The following ASB18 variants were observed in gnomAD, a reference collection of about 807,000 sequenced individuals.
ASB18 encodes the protein ankyrin repeat and SOCS box containing 18.
In ASB18, 33 loss-of-function variants were observed where a neutral mutation model predicts 33.4. The ratio of observed to expected loss-of-function variants is 0.99; its 90% CI spans 0.75 to 1.32. The LOEUF (loss-of-function observed/expected upper bound fraction) is 1.32. Among genes scored for constraint, ASB18 ranks in the 40% most tolerant of loss-of-function variants. ASB18 has a pLI of 0.00. For synonymous variants in ASB18, 295 were observed against 307.6 expected, an observed-to-expected ratio of 0.96 and a Z score of 0.43; for missense variants, 694 against 655.5, an observed-to-expected ratio of 1.06 and a Z score of -0.64.
rs115773723 is a variant in ASB18, at chr2:236,193,797, G to T, written c.*1075C>A. On this transcript the variant is annotated 3_prime_UTR_variant, in exon 6 of 6. Transcript: ENST00000409749. This position sits in a 1 kb window ranked among gnomAD's most constrained non-coding sequence, Gnocchi z 5.0. ...AACAAACAAACAAAAAAACAAAAAA[G>T]AAACAAGACTGATTCCTGGGCAAGG... Among the ~76,000 whole-genome samples, 15,636 of 152,174 alleles carry T rather than the reference G, an allele frequency of 0.1. 910 individuals carry two copies. The highest frequency in any genetic ancestry group is 0.22 in the Middle Eastern group (64 of 294).
In ASB18 at chr2:236,263,608, G is replaced by A. The variant is rs1431775552; in HGVS notation, c.205+533C>T. Among the ~76,000 whole-genome samples, 2 of 152,106 alleles carry A rather than the reference G, an allele frequency of 1.3e-5. No individual in the cohort carries two copies. The highest frequency in any genetic ancestry group is 2.9e-5 in the Non-Finnish European group (2 of 68,028). The stretch of plus-strand genomic sequence containing the variant: ...TATGGCTCCTAGGAATTTATGGTAA[G>A]GATATAATCCCAAAAAAGAAAAAAG... On this transcript the variant is annotated intron_variant, in intron 1 of 5. Transcript: ENST00000409749. This position sits in a 1 kb window ranked among gnomAD's most constrained non-coding sequence, Gnocchi z 4.0.
rs887050648 is a variant in ASB18 at position 236,195,753 on chromosome 2, C to T, written c.1215+519G>A. Among the ~76,000 whole-genome samples, 8 of 152,238 alleles carry T rather than the reference C, an allele frequency of 5.3e-5. No homozygotes were observed. In the South Asian group the frequency reaches 1.0e-3, roughly 20 times the overall value. On this transcript the variant is annotated intron_variant, in intron 5 of 5. Transcript: ENST00000409749. This position sits in a 1 kb window ranked among gnomAD's most constrained non-coding sequence, Gnocchi z 5.5. ...CTGGTCTTGAACTCCTGACCTCAAGCGATCTGCCTGCCTTGGCCTCTCAAA... is the reference window on the plus strand; with the variant it reads ...CTGGTCTTGAACTCCTGACCTCAAGTGATCTGCCTGCCTTGGCCTCTCAAA...
chr2:236,227,693 CTCTTT>C (rs1462353608), intron 3 of ASB18, among the ~76,000 whole-genome samples: 2 of 152,148 alleles, frequency 1.3e-5, no homozygotes, highest in Non-Finnish European at 2.9e-5. Flanking sequence ...ATAATTTTGC[CTCTTT>C]TCTTAGTATG....
At position 236,215,020 on chromosome 2, in the gene ASB18, G is replaced by GA. The variant is rs574936196; in HGVS notation, c.597-155dup. 0.035 allele frequency among the ~76,000 whole-genome samples: 4,194 copies of GA among 119,968 alleles called. 163 individuals carry two copies. Among genetic ancestry groups the GA allele is most frequent in the African/African-American group, 0.1 (3,434 of 33,756 alleles). 78.7% of individuals were successfully genotyped at this position (119,968 alleles called of 152,430 possible). On this transcript the variant is annotated intron_variant, in intron 3 of 5. Transcript: ENST00000409749. This position sits in a 1 kb window ranked among gnomAD's most constrained non-coding sequence, Gnocchi z 7.2. Reference sequence around the variant, plus strand: ...GGCGTCAGGAGTTCAAACTAAACTGGAAAAAAAAAAAAAAAAAAAGAGATT... The same window carrying GA: ...GGCGTCAGGAGTTCAAACTAAACTGGAAAAAAAAAAAAAAAAAAAAGAGATT...
chr2:236,196,490 T>G lies in ASB18; in HGVS notation c.1102-105A>C, dbSNP rs2060374409. On this transcript the variant is annotated intron_variant, in intron 4 of 5. Coordinates refer to ENST00000409749, the MANE Select transcript of ASB18 (RefSeq NM_212556.4). This position sits in a 1 kb window ranked among gnomAD's most constrained non-coding sequence, Gnocchi z 5.6. ...GGATGCTCTCCCTAGCTGTGTGACC[T>G]CCCTACGCCCAAGCCACACAGGGAA... 4.5e-6 allele frequency: 3 copies of G among 666,242 alleles called. No homozygotes were observed. The highest frequency in any genetic ancestry group is 3.6e-5 in the African/African-American group (2 of 55,652). The allele number at this position is 666,242 out of a possible 1,614,324, so 41.3% of individuals were successfully genotyped here.
Position 236,222,793 on chromosome 2 carries a change from G to A in ASB18, c.597-7927C>T, listed in dbSNP as rs1014498192. ...CCAACACTTTGGGAGGCCGAGGTAT[G>A]TGGATCACCTGAGTTCAGGAGTTTG... On this transcript the variant is annotated intron_variant, in intron 3 of 5. Coordinates refer to ENST00000409749, the MANE Select transcript of ASB18 (RefSeq NM_212556.4). This position sits in a 1 kb window ranked among gnomAD's most constrained non-coding sequence, Gnocchi z 5.5. Among the ~76,000 whole-genome samples, 9 of 152,340 alleles carry A rather than the reference G, an allele frequency of 5.9e-5. No homozygotes were observed. The highest frequency in any genetic ancestry group is 3.4e-3 in the Middle Eastern group (1 of 294).
At chr2:236,202,978 A>G (rs186871287) in intron 4 of ASB18, among the ~76,000 whole-genome samples, 3 of 151,902 alleles carry the variant, frequency 2.0e-5, no homozygotes, top group Non-Finnish European at 4.4e-5. Flanking sequence ...GATCATATTT[A>G]TATTGCGTAT....
rs1453682701 is a variant in ASB18, at chr2:236,238,105, CG to C, written c.329-150del. On this transcript the variant is annotated intron_variant, in intron 2 of 5. Transcript: ENST00000409749. This position sits in a 1 kb window ranked among gnomAD's most constrained non-coding sequence, Gnocchi z 5.2. ...AGGGAGAAGAGGATAGAATCAGAGA[CG>C]CACACAGAGACAGAGAGCAGAGAGA... 11 of 550,130 alleles carry C rather than the reference CG, an allele frequency of 2.0e-5. No homozygotes were observed. In the East Asian group the frequency reaches 3.5e-4, roughly 18 times the overall value. The allele number at this position is 550,130 out of a possible 1,614,324, so 34.1% of individuals were successfully genotyped here.
Position 236,239,219 on chromosome 2 carries a change from A to G in ASB18, c.329-1263T>C, listed in dbSNP as rs1162674989. ...TGCCAGCTCTTGGTTTTTTGATTCGATTTGTTTTTCTGAGAGATGAAAACT... is the reference window on the plus strand; with the variant it reads ...TGCCAGCTCTTGGTTTTTTGATTCGGTTTGTTTTTCTGAGAGATGAAAACT... On this transcript the variant is annotated intron_variant, in intron 2 of 5. Coordinates refer to ENST00000409749, the MANE Select transcript of ASB18 (RefSeq NM_212556.4). This position sits in a 1 kb window ranked among gnomAD's most constrained non-coding sequence, Gnocchi z 5.6. Among the ~76,000 whole-genome samples the G allele has an allele frequency of 6.6e-6, 1 of 152,058 alleles. No homozygotes were observed. The highest frequency in any genetic ancestry group is 2.4e-5 in the African/African-American group (1 of 41,386).
In ASB18 at chr2:236,241,805, G is replaced by A. The variant is rs891166874; in HGVS notation, c.206-403C>T. 4.6e-5 allele frequency among the ~76,000 whole-genome samples: 7 copies of A among 152,134 alleles called. No homozygotes were observed. The highest frequency in any genetic ancestry group is 1.4e-4 in the African/African-American group (6 of 41,438). On this transcript the variant is annotated intron_variant, in intron 1 of 5. Transcript: ENST00000409749. The surrounding 1 kb of genome is among the most constrained non-coding windows in gnomAD (Gnocchi z 4.2). The stretch of plus-strand genomic sequence containing the variant: ...GCTCCAAAGCAGCTCTCCATGCACC[G>A]AGGGCAGACTCCCAGCACACATTTA...
Position 236,205,897 on chromosome 2 carries a change from T to C in ASB18, c.1101+8465A>G, listed in dbSNP as rs919204894. On this transcript the variant is annotated intron_variant, in intron 4 of 5. Transcript: ENST00000409749. The surrounding 1 kb of genome is among the most constrained non-coding windows in gnomAD (Gnocchi z 5.4). ...GAGTCCAGCCTGGTTTTTATTCCTT[T>C]ATGAATAGCCTGTTTTCTGCTTAAA... Among the ~76,000 whole-genome samples the C allele has an allele frequency of 2.0e-5, 3 of 152,244 alleles. No homozygotes were observed. The highest frequency in any genetic ancestry group is 7.2e-5 in the African/African-American group (3 of 41,472).
At chr2:236,232,142 T>C (rs983060662) in intron 3 of ASB18, among the ~76,000 whole-genome samples, 1 of 151,746 alleles carries the variant, frequency 6.6e-6, no homozygotes, top group Non-Finnish European at 1.5e-5. Flanking sequence ...TAAAAAGGAC[T>C]AAAGTCATAC....
rs938468414 is a variant in ASB18 at position 236,214,739 on chromosome 2, C to T, written c.724G>A (p.Gly242Arg). Residue 242 changes from glycine (G) to arginine (R), a missense_variant, in exon 4 of 6, where the codon GGG (glycine) becomes AGG (arginine). Physicochemically the swap from Gly to Arg is moderately radical, Grantham distance 125. Coordinates refer to ENST00000409749, the MANE Select transcript of ASB18 (RefSeq NM_212556.4). The surrounding 1 kb of genome is among the most constrained non-coding windows in gnomAD (Gnocchi z 6.5). ...CCGTTCCTCGCGTCCACGTGCGCCC[C>T]GCGGCCCAGGTACAGGCGCGCGTGC... ...DEHARLYLGR[G>R]AHVDARNGRG... The T allele has an allele frequency of 8.6e-7, 1 of 1,167,074 alleles. No homozygotes were observed. The highest frequency in any genetic ancestry group is 1.6e-5 in the African/African-American group (1 of 61,436). 72.3% of individuals were successfully genotyped at this position (1,167,074 alleles called of 1,614,324 possible).
Position 236,235,344 on chromosome 2 carries a change from C to A in ASB18, c.596+2345G>T, listed in dbSNP as rs1283656087. ...AGGTTTGTAGCCTGGGAGCCAGAGG[C>A]TTAATCATATAGCCTAGGTGGGCAG... On this transcript the variant is annotated intron_variant, in intron 3 of 5. Transcript: ENST00000409749. The surrounding 1 kb of genome is among the most constrained non-coding windows in gnomAD (Gnocchi z 6.2). Among the ~76,000 whole-genome samples the A allele has an allele frequency of 6.6e-6, 1 of 152,188 alleles. No homozygotes were observed. Among genetic ancestry groups the A allele is most frequent in the African/African-American group, 2.4e-5 (1 of 41,438 alleles).
chr2:236,224,185 G>GTTTTTTTT, intron 3 of ASB18, among the ~76,000 whole-genome samples: 1 of 66,804 alleles, frequency 1.5e-5, no homozygotes, highest in Non-Finnish European at 2.5e-5. Flanking sequence ...GTGTTGTCAG[G>GTTTTTTTT]TTTTTTTTTT....
intron 1 of ASB18, among the ~76,000 whole-genome samples, chr2:236,246,121 G>A (rs914490997): frequency 6.6e-6 from 1 of 152,062 alleles, no homozygotes; most frequent in Non-Finnish European, 1.5e-5. Context: ...GGGAGGCCTA[G>A]GTGGGTGGAT....
rs768808929 is a variant in ASB18 at position 236,195,011 on chromosome 2, G to A, written c.1262C>T (p.Pro421Leu). 2.5e-6 allele frequency: 4 copies of A among 1,613,752 alleles called. No homozygotes were observed. Among genetic ancestry groups the A allele is most frequent in the African/African-American group, 2.7e-5 (2 of 75,054 alleles). ...YQSLFALALTPRCLQHLCRCA... is the reference protein window; with the variant it reads ...YQSLFALALTLRCLQHLCRCA... ...GCGGCAAAGATGCTGCAGGCAGCGT[G>A]GGGTGAGGGCCAAGGCAAAGAGGGA... is the stretch of plus-strand genomic sequence containing the variant. Residue 421 changes from proline (P) to leucine (L), a missense_variant, in exon 6 of 6, where the codon CCA becomes CTA. Coordinates refer to ENST00000409749, the MANE Select transcript of ASB18 (RefSeq NM_212556.4). The surrounding 1 kb of genome is among the most constrained non-coding windows in gnomAD (Gnocchi z 5.5).
Position 236,198,548 on chromosome 2 carries a change from AT to A in ASB18, c.1102-2164del, listed in dbSNP as rs201126440. Among the ~76,000 whole-genome samples the A allele has an allele frequency of 6.9e-3, 1,048 of 152,130 alleles. 55 individuals carry two copies. The highest frequency in any genetic ancestry group is 0.062 in the Admixed American group (952 of 15,274). ...ACACCCGGCTGATTTTTGTATTTTT[AT>A]TAGAGACAGAGTTTCACCATGTTGG... On this transcript the variant is annotated intron_variant, in intron 4 of 5. Coordinates refer to ENST00000409749, the MANE Select transcript of ASB18 (RefSeq NM_212556.4).
rs747968060 is a variant in ASB18 at position 236,252,107 on chromosome 2, C to T, written c.206-10705G>A. ...CCAACAGGGTAAAACCCCGTCTCTA[C>T]TAAAAGTACAAAAATCAGCTGAGGG... is the stretch of plus-strand genomic sequence containing the variant. On this transcript the variant is annotated intron_variant, in intron 1 of 5. Coordinates refer to ENST00000409749, the MANE Select transcript of ASB18 (RefSeq NM_212556.4). This position sits in a 1 kb window ranked among gnomAD's most constrained non-coding sequence, Gnocchi z 7.9. Among the ~76,000 whole-genome samples the T allele has an allele frequency of 7.0e-4, 106 of 152,256 alleles. No individual in the cohort carries two copies. Among genetic ancestry groups the T allele is most frequent in the Non-Finnish European group, 2.8e-4 (19 of 68,018 alleles).
Sources: gnomAD v4.1 joint callset for allele counts (sites outside exome capture counted in the v4.1 genomes callset) on GRCh38, gnomAD v4.1.1 for gene constraint, Gnocchi (gnomAD v3.1) non-coding constraint, MANE v1.5 for transcripts, NCBI Gene and HGNC (gene_info 2026-07-23, HGNC 2026-07-21) for gene names.